The following RANBP2 variants were observed in gnomAD, a reference collection of about 807,000 sequenced individuals.
RANBP2 encodes E3 SUMO-protein ligase RanBP2.
Under a neutral mutation model 303.6 loss-of-function variants are expected in RANBP2, and 57 were observed. The observed-to-expected ratio is 0.19, with a 90% CI of 0.15 to 0.23. RANBP2 has a LOEUF of 0.23. RANBP2 is among the 10% of genes least tolerant of loss of function. RANBP2 has a pLI of 1.00. For synonymous variants in RANBP2, 1,167 were observed against 1,301.5 expected, an observed-to-expected ratio of 0.90 and a Z score of 2.23; for missense variants, 3,138 against 3,780.8, an observed-to-expected ratio of 0.83 and a Z score of 4.46.
chr2:108,819,516 T>C, the RANBP2 span, among the ~76,000 whole-genome samples: 1 of 152,172 alleles, frequency 6.6e-6, no homozygotes, highest in East Asian at 1.9e-4. Flanking sequence ...AGATCTGCAC[T>C]TCTGCTGGAA....
chr2:108,743,895 CTTGTA>C (rs747027335), intron 7 of RANBP2, among the ~76,000 whole-genome samples: 97 of 152,206 alleles, frequency 6.4e-4, no homozygotes, highest in Non-Finnish European at 1.3e-3. Flanking sequence ...ATCTTAGATG[CTTGTA>C]TTTTATTTTA....
chr2:108,851,660 AG>A, the RANBP2 span, among the ~76,000 whole-genome samples: 3 of 152,132 alleles, frequency 2.0e-5, no homozygotes, highest in Non-Finnish European at 4.4e-5. Flanking sequence ...ACCAGGATAT[AG>A]GGCTGGACTC....
the RANBP2 span, among the ~76,000 whole-genome samples, chr2:108,845,074 A>G: frequency 2.0e-5 from 3 of 151,872 alleles, no homozygotes; most frequent in Non-Finnish European, 4.4e-5. Flanking sequence ...TTATTTTTTC[A>G]TTATAAAAGT....
the RANBP2 span, among the ~76,000 whole-genome samples, chr2:109,042,064 A>C: frequency 1.3e-5 from 2 of 152,168 alleles, no homozygotes; most frequent in Non-Finnish European, 2.9e-5. Flanking sequence ...ATCTATATTC[A>C]TGAGAGAAAT....
chr2:109,511,623 G>T, the RANBP2 span, among the ~76,000 whole-genome samples: 1 of 152,206 alleles, frequency 6.6e-6, no homozygotes, highest in Non-Finnish European at 1.5e-5. Flanking sequence ...AATAGGGAGG[G>T]GCACAAGCCC....
the RANBP2 span, among the ~76,000 whole-genome samples, chr2:109,009,907 G>A: frequency 3.3e-5 from 5 of 152,046 alleles, no homozygotes; most frequent in Admixed American, 1.3e-4. Flanking sequence ...CACTATACAT[G>A]CAACTTTGTG....
At chr2:109,370,485 C>T in the RANBP2 span, among the ~76,000 whole-genome samples, 4 of 152,144 alleles carry the variant, frequency 2.6e-5, no homozygotes, top group South Asian at 2.1e-4. Context: ...GGTGATCACC[C>T]GCCTCGACCT....
chr2:109,496,600 A>T, the RANBP2 span, among the ~76,000 whole-genome samples: 3 of 152,162 alleles, frequency 2.0e-5, no homozygotes, highest in South Asian at 4.1e-4. Context: ...TTCTCCCCAG[A>T]TGTTCACATC....
At chr2:109,607,433 C>T in the RANBP2 span, among the ~76,000 whole-genome samples, 1 of 152,030 alleles carries the variant, frequency 6.6e-6, no homozygotes, top group Non-Finnish European at 1.5e-5. Context: ...GGGGGCAGTA[C>T]CTGTATTATC....
chr2:108,993,969 T>C, the RANBP2 span, among the ~76,000 whole-genome samples: 2 of 152,094 alleles, frequency 1.3e-5, no homozygotes, highest in Non-Finnish European at 2.9e-5. Flanking sequence ...TGGGGTGTCA[T>C]TTACAAGGGC....
the RANBP2 span, among the ~76,000 whole-genome samples, chr2:109,483,489 C>T: frequency 6.6e-6 from 1 of 152,204 alleles, no homozygotes; most frequent in Admixed American, 6.5e-5. Flanking sequence ...TGGCACCTTC[C>T]GCCTGTTTTC....
the RANBP2 span, chr2:108,912,733 G>C: frequency 6.2e-7 from 1 of 1,602,144 alleles, no homozygotes. Flanking sequence ...TGCCAGGGAA[G>C]TTGGCAGAAG....
At chr2:108,859,737 G>C in the RANBP2 span, among the ~76,000 whole-genome samples, 1 of 151,920 alleles carries the variant, frequency 6.6e-6, no homozygotes, top group Non-Finnish European at 1.5e-5. Flanking sequence ...ATAACATGAT[G>C]CTTCCAGCTT....
chr2:108,794,742 C>A, the RANBP2 span: 2 of 1,514,116 alleles, frequency 1.3e-6, no homozygotes, highest in Non-Finnish European at 9.1e-7. Context: ...AATACTGAAT[C>A]GAGAATTCAG....
the RANBP2 span, among the ~76,000 whole-genome samples, chr2:108,961,676 T>G: frequency 6.6e-6 from 1 of 152,236 alleles, no homozygotes. Flanking sequence ...ACATTCATTC[T>G]GATGCAAGGG....
chr2:109,062,855 G>T, the RANBP2 span, among the ~76,000 whole-genome samples: 1 of 151,968 alleles, frequency 6.6e-6, no homozygotes, highest in Non-Finnish European at 1.5e-5. Context: ...GGCCCTGGGA[G>T]CGGGTGGAGG....
At chr2:108,923,802 G>C in the RANBP2 span, among the ~76,000 whole-genome samples, 3 of 152,180 alleles carry the variant, frequency 2.0e-5, no homozygotes, top group African/African-American at 7.2e-5. Flanking sequence ...GCCCCCCAGG[G>C]GTCACACCAA....
At chr2:109,749,180 G>A in the RANBP2 span, among the ~76,000 whole-genome samples, 56 of 1,348 alleles carry the variant, frequency 0.042, no homozygotes, top group African/African-American at 0.065. Flanking sequence ...TATGACCAGC[G>A]TTCAGAGCAA....
the RANBP2 span, among the ~76,000 whole-genome samples, chr2:109,435,467 C>T: frequency 1.3e-5 from 2 of 152,334 alleles, no homozygotes; most frequent in Non-Finnish European, 1.5e-5. Context: ...TTGCCCCCAT[C>T]GTGCTAGGAG....
Sources: allele counts gnomAD v4.1 joint callset (sites outside exome capture counted in the v4.1 genomes callset), GRCh38; gene constraint gnomAD v4.1.1; transcripts MANE v1.5; gene names NCBI Gene and HGNC (gene_info 2026-07-23, HGNC 2026-07-21).